The following ITPR2 variants were observed in gnomAD, a reference collection of about 807,000 sequenced individuals.
ITPR2 encodes inositol 1,4,5-trisphosphate-gated calcium channel ITPR2.
ITPR2 carries 207 observed loss-of-function variants against 317.1 expected under a neutral mutation model. The ratio of observed to expected loss-of-function variants is 0.65; its 90% CI spans 0.58 to 0.73. ITPR2 has a LOEUF of 0.73. Among genes scored for constraint, ITPR2 ranks in the 30% least tolerant of loss-of-function variants. The probability of loss-of-function intolerance (pLI) is 0.00; values close to 1 mark genes in which losing one functional copy is unlikely to be tolerated. For synonymous variants in ITPR2, 1,156 were observed against 1,149.1 expected, an observed-to-expected ratio of 1.01 and a Z score of -0.12; for missense variants, 2,613 against 3,284.0, an observed-to-expected ratio of 0.80 and a Z score of 4.99.
rs373167422 is a variant in ITPR2, at chr12:26,494,350, G to A, written c.5183-10C>T. 3.2e-5 allele frequency: 50 copies of A among 1,572,208 alleles called. No homozygotes were observed. The East Asian group carries it at 6.0e-4, about 19-fold the overall frequency. ...TGTCCAGAAAAGCTTCCTGTGATTG[G>A]GAAAAATAAATAAATAAACCTTAAT... On this transcript the variant is annotated splice_polypyrimidine_tract_variant and intron_variant, in intron 38 of 56. Coordinates refer to ENST00000381340, the MANE Select transcript of ITPR2 (RefSeq NM_002223.4).
At chr12:26,499,566 C>T (rs1591833440) in intron 37 of ITPR2, among the ~76,000 whole-genome samples, 1 of 152,162 alleles carries the variant, frequency 6.6e-6, no homozygotes, top group Admixed American at 6.5e-5. Context: ...ACTGAAAGTA[C>T]TTGGAACAGT....
At position 26,481,140 on chromosome 12, in the gene ITPR2, G is replaced by A; in HGVS notation, c.6114C>T (p.Leu2038=). 2 of 1,602,118 alleles carry A rather than the reference G, an allele frequency of 1.2e-6. No individual in the cohort carries two copies. Among genetic ancestry groups the A allele is most frequent in the South Asian group, 1.1e-5 (1 of 90,794 alleles). The stretch of plus-strand genomic sequence containing the variant: ...AGTGGAATCGCTCTACCTTTAGCTG[G>A]AGCACCAGGTCCATTCGGTATTTAC... The part of the protein sequence containing the change: ...PLGKYRMDLV[L]QLKNNASKLL... The change falls in exon 43 of 57, where the codon CTC becomes CTT. Residue 2038 remains leucine, a synonymous_variant. Coordinates refer to ENST00000381340, the MANE Select transcript of ITPR2 (RefSeq NM_002223.4).
chr12:26,649,485 C>T (rs1405537243), intron 21 of ITPR2: 1 of 152,120 alleles, frequency 6.6e-6, no homozygotes, highest in African/African-American at 2.4e-5. Context: ...TCTCCTAATC[C>T]AGGATCCAGT....
At position 26,374,588 on chromosome 12, in the gene ITPR2, T is replaced by A. The variant is rs190470957; in HGVS notation, c.7857+12846A>T. Among the ~76,000 whole-genome samples the A allele has an allele frequency of 4.8e-3, 735 of 152,354 alleles. 7 individuals carry two copies. The highest frequency in any genetic ancestry group is 7.2e-3 in the Non-Finnish European group (488 of 68,030). On this transcript the variant is annotated intron_variant, in intron 55 of 56. Coordinates refer to ENST00000381340, the MANE Select transcript of ITPR2 (RefSeq NM_002223.4). ...TATTTATTTAGCCAAATATTTTAAG[T>A]AGATGTGGGAGATTAAACATTTGTT...
At chr12:26,559,211 C>T (rs1944746149) in intron 35 of ITPR2, among the ~76,000 whole-genome samples, 4 of 152,190 alleles carry the variant, frequency 2.6e-5, no homozygotes, top group Admixed American at 2.6e-4. Flanking sequence ...AAAAAGTAAA[C>T]CAGGTCAGCC....
intron 5 of ITPR2, among the ~76,000 whole-genome samples, chr12:26,722,112 A>G (rs1948849173): frequency 6.6e-6 from 1 of 152,208 alleles, no homozygotes; most frequent in Admixed American, 6.6e-5. Flanking sequence ...GCAAAAAAGT[A>G]AATTCTCCTT....
chr12:26,540,718 T>G (rs1187040459), intron 37 of ITPR2, among the ~76,000 whole-genome samples: 1 of 152,230 alleles, frequency 6.6e-6, no homozygotes. Flanking sequence ...CTTTGTAATT[T>G]TTTTGTAATA....
intron 2 of ITPR2, among the ~76,000 whole-genome samples, chr12:26,743,369 TAC>T (rs1395399658): frequency 6.6e-6 from 1 of 152,162 alleles, no homozygotes; most frequent in Non-Finnish European, 1.5e-5. Context: ...TATATATACA[TAC>T]ACACATATAA....
chr12:26,457,224 G>A (rs116043365), intron 45 of ITPR2, among the ~76,000 whole-genome samples: 2,914 of 152,280 alleles, frequency 0.019, 100 homozygotes, highest in African/African-American at 0.065. Flanking sequence ...AATGGTTAGA[G>A]ACCATTTTAA....
At chr12:26,698,810 A>G (rs1353038118) in intron 9 of ITPR2, among the ~76,000 whole-genome samples, 3 of 152,214 alleles carry the variant, frequency 2.0e-5, no homozygotes, top group African/African-American at 7.2e-5. Flanking sequence ...TTAGAATCCA[A>G]GAGTGAAAGG....
chr12:26,537,139 G>A (rs1944118221), intron 37 of ITPR2, among the ~76,000 whole-genome samples: 1 of 152,152 alleles, frequency 6.6e-6, no homozygotes, highest in Non-Finnish European at 1.5e-5. Flanking sequence ...GAGAGGAAGT[G>A]TTGAGAAATG....
At chr12:26,741,144 A>G in intron 2 of ITPR2, among the ~76,000 whole-genome samples, 1 of 152,246 alleles carries the variant, frequency 6.6e-6, no homozygotes, top group East Asian at 1.9e-4. Context: ...CAGGCTGAGG[A>G]GAGGAGGCTC....
chr12:26,454,184 TGTG>T (rs1235645844), intron 45 of ITPR2, among the ~76,000 whole-genome samples: 1 of 152,166 alleles, frequency 6.6e-6, no homozygotes, highest in African/African-American at 2.4e-5. Context: ...ATATGAGAAA[TGTG>T]GTGTTTTTTG....
intron 2 of ITPR2, among the ~76,000 whole-genome samples, chr12:26,787,806 G>A (rs1477401583): frequency 6.6e-6 from 1 of 152,008 alleles, no homozygotes; most frequent in Non-Finnish European, 1.5e-5. Flanking sequence ...CACTATGCCT[G>A]GAAAACACAA....
In ITPR2 at chr12:26,655,937, A is replaced by G. The variant is rs1592003518; in HGVS notation, c.2445-85T>C. On this transcript the variant is annotated intron_variant, in intron 19 of 56. Coordinates refer to ENST00000381340, the MANE Select transcript of ITPR2 (RefSeq NM_002223.4). ...AAAACACACGTAGTTTCCTGGGTGC[A>G]TAATCTTGGATAAATTAGTTAGCTT... 10 of 1,291,566 alleles carry G rather than the reference A, an allele frequency of 7.7e-6. No individual in the cohort carries two copies. In the East Asian group the frequency reaches 2.3e-4, roughly 30 times the overall value. The allele number at this position is 1,291,566 out of a possible 1,614,324, so 80.0% of individuals were successfully genotyped here.
chr12:26,649,292 C>T (rs1947189206), intron 21 of ITPR2: 1 of 152,096 alleles, frequency 6.6e-6, no homozygotes, highest in Non-Finnish European at 1.5e-5. Context: ...TTTCAACTTT[C>T]AATTCTTCAG....
At chr12:26,791,374 T>TA (rs5797201) in intron 1 of ITPR2, among the ~76,000 whole-genome samples, 54 of 146,356 alleles carry the variant, frequency 3.7e-4, no homozygotes, top group East Asian at 7.9e-4. Flanking sequence ...CCTTGTGGTT[T>TA]AAAAAAAAAA....
chr12:26,620,545 CATT>C (rs1161992782), intron 26 of ITPR2, among the ~76,000 whole-genome samples: 2 of 152,154 alleles, frequency 1.3e-5, no homozygotes, highest in East Asian at 3.8e-4. Flanking sequence ...CAGTATTTAA[CATT>C]TTTTAAGTGG....
rs1218641262 is a variant in ITPR2 at position 26,595,390 on chromosome 12, G to C, written c.4380+75C>G. ...CAAAAGGTAGTGAATTTAACTGCAA[G>C]TTTTCATCCAGATGCTTAATACTAT... On this transcript the variant is annotated intron_variant, in intron 32 of 56. Coordinates refer to ENST00000381340, the MANE Select transcript of ITPR2 (RefSeq NM_002223.4). The C allele has an allele frequency of 2.8e-6, 4 of 1,411,728 alleles. No homozygotes were observed. In the East Asian group the frequency reaches 7.2e-5, roughly 25 times the overall value. 87.5% of individuals were successfully genotyped at this position (1,411,728 alleles called of 1,614,324 possible). A position where few individuals can be genotyped will look rare whatever the true frequency, so the allele number is the denominator to read the frequency against.
Sources: allele counts gnomAD v4.1 joint callset (sites outside exome capture counted in the v4.1 genomes callset), GRCh38; gene constraint gnomAD v4.1.1; transcripts MANE v1.5; gene names NCBI Gene and HGNC (gene_info 2026-07-23, HGNC 2026-07-21).